Variants in NFIB observed in about 807,000 individuals in gnomAD.
NFIB encodes the protein nuclear factor 1 B-type.
NFIB carries 11 observed loss-of-function variants against 61.5 expected under a neutral mutation model. That is an observed-to-expected ratio of 0.18 (90% CI 0.11 to 0.30). NFIB has a LOEUF of 0.30. Among genes scored for constraint, NFIB ranks in the 10% least tolerant of loss-of-function variants. The probability of loss-of-function intolerance (pLI) is 1.00; values close to 1 mark genes in which losing one functional copy is unlikely to be tolerated. For missense variants in NFIB, 471 were observed against 608.9 expected, an observed-to-expected ratio of 0.77 and a Z score of 2.38; for synonymous variants, 260 against 216.5, an observed-to-expected ratio of 1.20 and a Z score of -1.76.
chr9:14,140,290 C>G (rs2041537717), intron 6 of NFIB, among the ~76,000 whole-genome samples: 1 of 152,178 alleles, frequency 6.6e-6, no homozygotes, highest in South Asian at 2.1e-4. Flanking sequence ...CCATCTATGA[C>G]AGCTGCTTAT....
the NFIB span, among the ~76,000 whole-genome samples, chr9:14,511,187 T>C: frequency 2.0e-5 from 3 of 152,190 alleles, no homozygotes; most frequent in African/African-American, 7.2e-5. Context: ...TGTTTACCAA[T>C]TTTATAGAAG....
chr9:14,439,062 G>A, the NFIB span, among the ~76,000 whole-genome samples: 1 of 152,140 alleles, frequency 6.6e-6, no homozygotes, highest in Non-Finnish European at 1.5e-5. Context: ...CAATCCCTGT[G>A]GAGCTACTTT....
At chr9:14,497,516 A>T in the NFIB span, among the ~76,000 whole-genome samples, 1 of 152,104 alleles carries the variant, frequency 6.6e-6, no homozygotes, top group Admixed American at 6.5e-5. Context: ...GAAAGGGAGG[A>T]GAAGAACTAA....
At chr9:14,375,359 GA>G (rs749888693) in intron 1 of NFIB, among the ~76,000 whole-genome samples, 2 of 152,162 alleles carry the variant, frequency 1.3e-5, no homozygotes, top group Non-Finnish European at 2.9e-5. Context: ...AGCTTCTCCA[GA>G]AGTACCTGGG....
intron 1 of NFIB, among the ~76,000 whole-genome samples, chr9:14,309,664 T>G (rs780140438): frequency 3.3e-5 from 5 of 152,214 alleles, no homozygotes; most frequent in Non-Finnish European, 5.9e-5. Context: ...CCTATCTCCA[T>G]ACACTTTCTG....
At chr9:14,306,748 G>A (rs1266444557) in intron 2 of NFIB, among the ~76,000 whole-genome samples, 3 of 152,102 alleles carry the variant, frequency 2.0e-5, no homozygotes, top group Non-Finnish European at 2.9e-5. Flanking sequence ...ACTTGAAAAC[G>A]CACCTCTTTG....
chr9:14,398,115 T>C (rs2061705969), intron 1 of NFIB, among the ~76,000 whole-genome samples: 1 of 151,984 alleles, frequency 6.6e-6, no homozygotes, highest in African/African-American at 2.4e-5. Flanking sequence ...GGGCTTAGAG[T>C]GGGGTAAAAT....
rs1327420745 is a variant in NFIB at position 14,187,065 on chromosome 9, G to GTGTA, written c.563-7286_563-7285insTACA. Among the ~76,000 whole-genome samples the GTGTA allele has an allele frequency of 8.6e-4, 113 of 130,928 alleles. 1 individual carries two copies. The highest frequency in any genetic ancestry group is 2.6e-3 in the African/African-American group (90 of 35,246). The allele number at this position is 130,928 out of a possible 152,430, so 85.9% of individuals were successfully genotyped here. A position where few individuals can be genotyped will look rare whatever the true frequency, so the allele number is the denominator to read the frequency against. ...TGTGTGTGTGTGTGTGTGTGTGTGT[G>GTGTA]TGTGTGTGCCTGTGTCTCCCTTTAT... is the stretch of plus-strand genomic sequence containing the variant. On this transcript the variant is annotated intron_variant, in intron 2 of 10. Coordinates refer to ENST00000380953, the MANE Select transcript of NFIB (RefSeq NM_001190737.2).
chr9:14,488,580 G>A, the NFIB span, among the ~76,000 whole-genome samples: 1 of 152,062 alleles, frequency 6.6e-6, no homozygotes, highest in Non-Finnish European at 1.5e-5. Flanking sequence ...GCTCTGGGAA[G>A]CAAGAATAAC....
rs1011357372 is a variant in NFIB at position 14,113,001 on chromosome 9, G to C, written c.1465C>G (p.Gln489Glu). The C allele has an allele frequency of 4.5e-6, 7 of 1,549,976 alleles. No homozygotes were observed. Among genetic ancestry groups the C allele is most frequent in the Non-Finnish European group, 6.1e-6 (7 of 1,146,704 alleles). Residue 489 changes from glutamine (Q) to glutamate (E), a missense_variant and splice_region_variant, in exon 10 of 11, where the codon CAG (glutamine) becomes GAG (glutamate). This residue lies in a region of NFIB where 372 missense variants were observed against 395.6 expected (regional missense o/e 0.94). Transcript: ENST00000380953. ...PRDPSFLHQQ[Q>E]SWYLG Reference sequence around the variant, plus strand: ...ACACCTGGGTGAAACTTGCCCACCTGTTGCTGATGTAGGAAGGATGGGTCT... The same window carrying C: ...ACACCTGGGTGAAACTTGCCCACCTCTTGCTGATGTAGGAAGGATGGGTCT...
At chr9:14,464,541 G>C in the NFIB span, among the ~76,000 whole-genome samples, 1 of 152,180 alleles carries the variant, frequency 6.6e-6, no homozygotes, top group African/African-American at 2.4e-5. Flanking sequence ...TGTTTCTCAT[G>C]AGAAAACAGG....
At chr9:14,526,949 G>A in the NFIB span, among the ~76,000 whole-genome samples, 1 of 152,238 alleles carries the variant, frequency 6.6e-6, no homozygotes, top group African/African-American at 2.4e-5. Flanking sequence ...TCTAATCACT[G>A]TTTATTAAGA....
chr9:14,174,591 C>T (rs2045938802), intron 3 of NFIB, among the ~76,000 whole-genome samples: 1 of 151,782 alleles, frequency 6.6e-6, no homozygotes, highest in African/African-American at 2.4e-5. Context: ...CATGGTGAAA[C>T]CCCATCTCTA....
upstream of NFIB, among the ~76,000 whole-genome samples, chr9:14,315,945 C>T (rs1017136736): frequency 6.6e-6 from 1 of 152,002 alleles, no homozygotes; most frequent in Non-Finnish European, 1.5e-5. Flanking sequence ...CCCGCTTCCA[C>T]GGGTACTGCT....
At chr9:14,514,323 T>TACACACACACACAC in the NFIB span, among the ~76,000 whole-genome samples, 3,855 of 147,290 alleles carry the variant, frequency 0.026, 163 homozygotes, top group African/African-American at 0.074. Flanking sequence ...CATACATACA[T>TACACACACACACAC]ACATACACAC....
chr9:14,197,242 T>C (rs1053666266), intron 2 of NFIB, among the ~76,000 whole-genome samples: 2 of 152,216 alleles, frequency 1.3e-5, no homozygotes, highest in South Asian at 2.1e-4. Context: ...CTGACTTTCT[T>C]AGGATCTGAG....
intron 2 of NFIB, among the ~76,000 whole-genome samples, chr9:14,301,525 T>A (rs1284750535): frequency 2.0e-5 from 3 of 152,210 alleles, no homozygotes; most frequent in Non-Finnish European, 4.4e-5. Context: ...TATTTTTAAA[T>A]ATTTGAAAAT....
chr9:14,226,287 C>A (rs7038706), intron 2 of NFIB, among the ~76,000 whole-genome samples: 27 of 151,952 alleles, frequency 1.8e-4, no homozygotes, highest in African/African-American at 5.8e-4. Flanking sequence ...GTGGCTGACC[C>A]CTATAATCTC....
chr9:14,095,298 TATAA>T (rs1323106577), intron 10 of NFIB, among the ~76,000 whole-genome samples: 1 of 152,134 alleles, frequency 6.6e-6, no homozygotes, highest in African/African-American at 2.4e-5. Flanking sequence ...GATGACTAAT[TATAA>T]ATAAATTACA....
Sources: allele counts gnomAD v4.1 joint callset (sites outside exome capture counted in the v4.1 genomes callset), GRCh38; gene constraint gnomAD v4.1.1; regional missense constraint gnomAD v4.1.1; transcripts MANE v1.5; gene names NCBI Gene and HGNC (gene_info 2026-07-23, HGNC 2026-07-21).